EML6: variants seen among roughly 807,000 people sequenced by gnomAD.
EML6 encodes the protein EMAP like 6.
A neutral mutation model predicts 240.1 loss-of-function variants in EML6; 154 were observed. That is an observed-to-expected ratio of 0.64 (90% CI 0.56 to 0.73). The LOEUF (loss-of-function observed/expected upper bound fraction) is 0.73, where lower values mean the gene tolerates loss of function less well. Ranked by LOEUF, EML6 falls within the 30% of genes least tolerant of loss-of-function variation. EML6 has a pLI of 0.00. For missense variants in EML6, 2,964 were observed against 2,474.6 expected (o/e 1.20, Z -4.20); for synonymous variants, 1,148 against 899.0 (o/e 1.28, Z -4.95).
Position 54,961,184 on chromosome 2 carries a change from G to GTTGTTTTTTTTTTTTTTGTTTTTTTT in EML6, c.4968+852_4968+853insGTTTTTTTTTTTTTTGTTTTTTTTTT. 5.4e-5 allele frequency among the ~76,000 whole-genome samples: 3 copies of GTTGTTTTTTTTTTTTTTGTTTTTTTT among 55,424 alleles called. 1 individual carries two copies. Among genetic ancestry groups the GTTGTTTTTTTTTTTTTTGTTTTTTTT allele is most frequent in the Non-Finnish European group, 9.5e-5 (3 of 31,670 alleles). 36.4% of individuals were successfully genotyped at this position (55,424 alleles called of 152,430 possible). A position where few individuals can be genotyped will look rare whatever the true frequency, so the allele number is the denominator to read the frequency against. Reference sequence around the variant, plus strand: ...GGAGCCTGGAAGTTATCAGGAAGTAGTTTTTTTTTTTTTTTTTTTGAGACG... The same window carrying GTTGTTTTTTTTTTTTTTGTTTTTTTT: ...GGAGCCTGGAAGTTATCAGGAAGTAGTTGTTTTTTTTTTTTTTGTTTTTTTTTTTTTTTTTTTTTTTTTTTGAGACG... On this transcript the variant is annotated intron_variant, in intron 35 of 41. Transcript: ENST00000356458.
intron 8 of EML6, 37 bp from the exon 9 acceptor site, chr2:54,847,449 T>C: frequency 1.3e-6 from 2 of 1,542,014 alleles, no homozygotes; most frequent in Non-Finnish European, 1.8e-6. Flanking sequence ...CATGGGAAGT[T>C]GGTTTTGTTT....
intron 2 of EML6, among the ~76,000 whole-genome samples, chr2:54,756,675 T>C (rs561061895): frequency 6.6e-6 from 1 of 152,186 alleles, no homozygotes; most frequent in East Asian, 1.9e-4. Flanking sequence ...GATTTGGGGT[T>C]ATTTTCTTAA....
At chr2:54,901,750 G>C (rs1673067305) in intron 22 of EML6, among the ~76,000 whole-genome samples, 2 of 152,188 alleles carry the variant, frequency 1.3e-5, no homozygotes, top group Admixed American at 1.3e-4. Flanking sequence ...CAGAGGAGTT[G>C]GTAAAGAGGC....
chr2:54,848,803 T>G (rs202111081), intron 9 of EML6, among the ~76,000 whole-genome samples: 1 of 152,200 alleles, frequency 6.6e-6, no homozygotes, highest in East Asian at 1.9e-4. Flanking sequence ...TAAAAGAATC[T>G]GGTCAGAAAC....
rs1443697456 is a variant in EML6, at chr2:54,782,197, T to C, written c.198-31035T>C. The stretch of plus-strand genomic sequence containing the variant: ...TTCAAAAGTATCTTTTCTGTACGTA[T>C]GTTAAATTTTACTTCATTGTTAATC... On this transcript the variant is annotated intron_variant, in intron 2 of 41. Coordinates refer to ENST00000356458, the MANE Select transcript of EML6 (RefSeq NM_001039753.4). 4.6e-5 allele frequency among the ~76,000 whole-genome samples: 7 copies of C among 152,360 alleles called. No individual in the cohort carries two copies. In the East Asian group the frequency reaches 1.2e-3, roughly 25 times the overall value.
chr2:54,963,162 G>A (rs1373392896), intron 36 of EML6, among the ~76,000 whole-genome samples: 4 of 152,120 alleles, frequency 2.6e-5, no homozygotes, highest in Admixed American at 6.5e-5. Context: ...AGTTCTTGCC[G>A]ATCCTCATGG....
intron 3 of EML6, among the ~76,000 whole-genome samples, chr2:54,815,740 T>C (rs1460833167): frequency 1.3e-5 from 2 of 152,210 alleles, no homozygotes; most frequent in African/African-American, 2.4e-5. Flanking sequence ...GAAGCCATCT[T>C]TAGTGAAGAA....
At chr2:54,945,951 G>A (rs1675676091) in intron 28 of EML6, among the ~76,000 whole-genome samples, 1 of 152,188 alleles carries the variant, frequency 6.6e-6, no homozygotes, top group South Asian at 2.1e-4. Flanking sequence ...ACAGGGTTGT[G>A]ACTCTCCCCA....
intron 2 of EML6, among the ~76,000 whole-genome samples, chr2:54,761,202 A>C (rs945817123): frequency 6.6e-6 from 1 of 152,176 alleles, no homozygotes; most frequent in Non-Finnish European, 1.5e-5. Flanking sequence ...TACCAAAGTC[A>C]TAGTACTCCC....
At chr2:54,793,557 G>A (rs763117617) in intron 2 of EML6, among the ~76,000 whole-genome samples, 7 of 151,990 alleles carry the variant, frequency 4.6e-5, no homozygotes, top group Admixed American at 6.6e-5. Context: ...TCACACGCCC[G>A]CAACATAGGC....
intron 25 of EML6, among the ~76,000 whole-genome samples, chr2:54,914,380 C>T (rs1254977185): frequency 2.0e-5 from 3 of 152,174 alleles, no homozygotes; most frequent in African/African-American, 4.8e-5. Context: ...TTCAGCTGTA[C>T]TTTCCCTTCC....
intron 35 of EML6, among the ~76,000 whole-genome samples, chr2:54,961,488 G>A (rs1279078278): frequency 1.3e-5 from 2 of 151,472 alleles, no homozygotes; most frequent in African/African-American, 4.9e-5. Context: ...CACCTGGCCA[G>A]GAAGCAGATT....
At chr2:54,912,367 A>G (rs990803218) in intron 25 of EML6, among the ~76,000 whole-genome samples, 1 of 152,112 alleles carries the variant, frequency 6.6e-6, no homozygotes, top group Non-Finnish European at 1.5e-5. Context: ...TTCACTGGTA[A>G]TTTGTTGACT....
chr2:54,788,272 G>A (rs904718206), intron 2 of EML6, among the ~76,000 whole-genome samples: 1 of 152,190 alleles, frequency 6.6e-6, no homozygotes, highest in African/African-American at 2.4e-5. Context: ...TCTTCTCTCT[G>A]GCATCTGTAA....
At position 54,823,227 on chromosome 2, in the gene EML6, A is replaced by G. The variant is rs567941331; in HGVS notation, c.525+2765A>G. ...GATAAAGATGACATCCCAGCTGGCTAGAAGCATGTTGTCAGGATGGAGATG... is the reference window on the plus strand; with the variant it reads ...GATAAAGATGACATCCCAGCTGGCTGGAAGCATGTTGTCAGGATGGAGATG... On this transcript the variant is annotated intron_variant, in intron 5 of 41. Transcript: ENST00000356458. Among the ~76,000 whole-genome samples, 21 of 152,358 alleles carry G rather than the reference A, an allele frequency of 1.4e-4. No individual in the cohort carries two copies. The South Asian group carries it at 3.7e-3, about 27-fold the overall frequency.
chr2:54,943,115 G>T (rs898938466), intron 28 of EML6, among the ~76,000 whole-genome samples: 4 of 152,158 alleles, frequency 2.6e-5, no homozygotes, highest in Non-Finnish European at 2.9e-5. Flanking sequence ...CAGTCATCCA[G>T]GTTTCAACTC....
At chr2:54,812,186 G>T (rs112160881) in intron 2 of EML6, among the ~76,000 whole-genome samples, 1 of 152,062 alleles carries the variant, frequency 6.6e-6, no homozygotes, top group Non-Finnish European at 1.5e-5. Flanking sequence ...TGTATTATCT[G>T]TATTTTTAGA....
Position 54,796,943 on chromosome 2 carries a change from C to T in EML6, c.198-16289C>T, listed in dbSNP as rs952094694. Reference sequence around the variant, plus strand: ...ACTTTGAGAGGCCGAGGTGGGCAATCTCGAGGTCAGGAGATCCAGACCATA... The same window carrying T: ...ACTTTGAGAGGCCGAGGTGGGCAATTTCGAGGTCAGGAGATCCAGACCATA... On this transcript the variant is annotated intron_variant, in intron 2 of 41. Coordinates refer to ENST00000356458, the MANE Select transcript of EML6 (RefSeq NM_001039753.4). 5.3e-5 allele frequency among the ~76,000 whole-genome samples: 8 copies of T among 151,984 alleles called. No homozygotes were observed. The South Asian group carries it at 1.2e-3, about 24-fold the overall frequency.
At chr2:54,781,790 C>T (rs1018736498) in intron 2 of EML6, among the ~76,000 whole-genome samples, 2 of 152,082 alleles carry the variant, frequency 1.3e-5, no homozygotes, top group African/African-American at 4.8e-5. Flanking sequence ...CCACTTCAGC[C>T]TCTCGAGTAG....
Sources: gnomAD v4.1 joint callset for allele counts (sites outside exome capture counted in the v4.1 genomes callset) on GRCh38, gnomAD v4.1.1 for gene constraint, MANE v1.5 for transcripts, NCBI Gene and HGNC (gene_info 2026-07-23, HGNC 2026-07-21) for gene names.